Variants in PUS7 observed in about 807,000 individuals in gnomAD.
The protein encoded by PUS7 is pseudouridine synthase 7, also known as pseudouridylate synthase 7 homolog.
Under a neutral mutation model 79.8 loss-of-function variants are expected in PUS7, and 48 were observed. That is an observed-to-expected ratio of 0.60 (90% CI 0.48 to 0.76). PUS7 has a LOEUF of 0.76. PUS7 is among the 30% of genes least tolerant of loss of function. The probability of loss-of-function intolerance (pLI) is 0.00; values close to 1 mark genes in which losing one functional copy is unlikely to be tolerated. For missense variants in PUS7, 729 were observed against 797.6 expected (o/e 0.91, Z 1.04); for synonymous variants, 286 against 272.2 (o/e 1.05, Z -0.50).
intron 9 of PUS7, among the ~76,000 whole-genome samples, chr7:105,479,642 A>ATT (rs1824238566): frequency 6.6e-6 from 1 of 152,218 alleles, no homozygotes; most frequent in African/African-American, 2.4e-5. Context: ...ATTGTTTAAA[A>ATT]GTAAATGACA....
chr7:105,513,126 C>A (rs1423973707), intron 1 of PUS7, among the ~76,000 whole-genome samples: 1 of 152,188 alleles, frequency 6.6e-6, no homozygotes, highest in African/African-American at 2.4e-5. Flanking sequence ...TCTGCGGGCA[C>A]TCATCACATT....
intron 7 of PUS7, among the ~76,000 whole-genome samples, chr7:105,488,510 T>C (rs1824644805): frequency 6.6e-6 from 1 of 152,242 alleles, no homozygotes; most frequent in Admixed American, 6.5e-5. Flanking sequence ...ATTTCACTGC[T>C]AAGTTTATCT....
intron 7 of PUS7, among the ~76,000 whole-genome samples, chr7:105,485,858 C>A (rs371330586): frequency 8.6e-5 from 13 of 151,988 alleles, no homozygotes; most frequent in African/African-American, 3.1e-4. Flanking sequence ...TGCAGTGGTG[C>A]GATCTAAGCT....
chr7:105,519,305 C>T (rs147708582), intron 1 of PUS7, among the ~76,000 whole-genome samples: 15 of 151,792 alleles, frequency 9.9e-5, no homozygotes, highest in African/African-American at 2.9e-4. Flanking sequence ...GCAGTCTCGG[C>T]TCACCGCAAT....
At chr7:105,464,449 C>T (rs1051429680) in intron 13 of PUS7, among the ~76,000 whole-genome samples, 2 of 152,142 alleles carry the variant, frequency 1.3e-5, no homozygotes, top group African/African-American at 4.8e-5. Context: ...GGAAGATCTG[C>T]CCTCAAGGTG....
chr7:105,512,372 A>G (rs1825738318), intron 1 of PUS7, among the ~76,000 whole-genome samples: 1 of 152,164 alleles, frequency 6.6e-6, no homozygotes, highest in African/African-American at 2.4e-5. Flanking sequence ...CCTTACAGCA[A>G]CAAAACTACC....
At position 105,457,842 on chromosome 7, in the gene PUS7, AT is replaced by A. The variant is rs1243111253; in HGVS notation, c.1933del (p.Met645TrpfsTer11). The A allele has an allele frequency of 1.9e-6, 3 of 1,614,068 alleles. No homozygotes were observed. The highest frequency in any genetic ancestry group is 2.5e-6 in the Non-Finnish European group (3 of 1,180,026). On this transcript the variant is annotated frameshift_variant, in exon 16 of 16. Transcript: ENST00000469408. LOFTEE classifies it high-confidence loss of function. The part of the protein sequence containing the change: ...ATMAIREVLK[M>X]DTSIKNQTQL... ...CGTCTGGTTCTTGATACTGGTATCC[AT>A]TTTTAGCACTTCTCGAATGGCCATG...
chr7:105,521,466 G>A (rs1826108099), intron 1 of PUS7, among the ~76,000 whole-genome samples: 1 of 142,990 alleles, frequency 7.0e-6, no homozygotes, highest in South Asian at 2.3e-4. Context: ...GCTGGAGAAA[G>A]CACTCTGAGT....
At chr7:105,467,752 G>A (rs1420688797) in intron 12 of PUS7, among the ~76,000 whole-genome samples, 1 of 151,854 alleles carries the variant, frequency 6.6e-6, no homozygotes, top group Non-Finnish European at 1.5e-5. Flanking sequence ...ACTCAGGCCG[G>A]GCACAGTGGC....
intron 2 of PUS7, among the ~76,000 whole-genome samples, 155 bp from the exon 3 acceptor site, chr7:105,506,428 CTT>C (rs879854891): frequency 7.0e-6 from 1 of 142,774 alleles, no homozygotes; most frequent in African/African-American, 2.5e-5. Context: ...TTTTTTTTTT[CTT>C]TTTTTTTTTT....
rs1224203844 is a variant in PUS7 at position 105,496,999 on chromosome 7, C to G, written c.731-1746G>C. The stretch of plus-strand genomic sequence containing the variant: ...GTCCAAATGCACAGCATAAAGAGCA[C>G]AAAAGAGCAATGTTTAATTTATAAT... On this transcript the variant is annotated intron_variant, in intron 5 of 15. Coordinates refer to ENST00000469408, the MANE Select transcript of PUS7 (RefSeq NM_019042.5). 5.9e-6 allele frequency: 7 copies of G among 1,188,890 alleles called. No individual in the cohort carries two copies. The East Asian group carries it at 4.4e-4, about 75-fold the overall frequency. The allele number at this position is 1,188,890 out of a possible 1,614,324, so 73.6% of individuals were successfully genotyped here.
intron 1 of PUS7, among the ~76,000 whole-genome samples, chr7:105,513,371 C>G (rs965076008): frequency 1.3e-5 from 2 of 152,224 alleles, no homozygotes; most frequent in South Asian, 2.1e-4. Flanking sequence ...AGGCCTCCCC[C>G]TCTCAACAAT....
chr7:105,458,433 T>C (rs1373225411), intron 15 of PUS7, among the ~76,000 whole-genome samples: 1 of 151,398 alleles, frequency 6.6e-6, no homozygotes, highest in Non-Finnish European at 1.5e-5. Flanking sequence ...CCTAATTTTT[T>C]TTTTTGTATT....
At position 105,470,758 on chromosome 7, in the gene PUS7, C is replaced by T. The variant is rs747160295; in HGVS notation, c.1328G>A (p.Cys443Tyr). The change falls in exon 11 of 16, where the codon TGT becomes TAT. Residue 443 changes from cysteine to tyrosine, a missense_variant. Physicochemically the swap from Cys to Tyr is radical, Grantham distance 194. Transcript: ENST00000469408. Reference sequence around the variant, plus strand: ...TCCTCGAAGCAGCTGCCCTTCCACACACCTTTTGACAGGTAGTTTTCTGAG... The same window carrying T: ...TCCTCGAAGCAGCTGCCCTTCCACATACCTTTTGACAGGTAGTTTTCTGAG... ...AALRKLPVKRCVEGQLLRGLS... is the reference protein window; with the variant it reads ...AALRKLPVKRYVEGQLLRGLS... 2 of 1,612,442 alleles carry T rather than the reference C, an allele frequency of 1.2e-6. No homozygotes were observed. Among genetic ancestry groups the T allele is most frequent in the Non-Finnish European group, 1.7e-6 (2 of 1,178,640 alleles).
At chr7:105,469,908 A>T (rs898592874) in intron 11 of PUS7, among the ~76,000 whole-genome samples, 1 of 152,162 alleles carries the variant, frequency 6.6e-6, no homozygotes, top group Non-Finnish European at 1.5e-5. Context: ...GTTTTAGGAA[A>T]AGTTTACAAA....
intron 9 of PUS7, among the ~76,000 whole-genome samples, chr7:105,478,644 T>A (rs1430700008): frequency 6.6e-6 from 1 of 152,246 alleles, no homozygotes; most frequent in Non-Finnish European, 1.5e-5. Flanking sequence ...TTGCTAAGTT[T>A]TAGAATGCGT....
chr7:105,460,220 G>A lies in PUS7; in HGVS notation c.1758-961C>T, dbSNP rs528189037. ...CCCAAAGTGCTGGGATTACAGGCGTGAGCCACCGTGCCCAGCCGACAATTC... is the reference window on the plus strand; with the variant it reads ...CCCAAAGTGCTGGGATTACAGGCGTAAGCCACCGTGCCCAGCCGACAATTC... On this transcript the variant is annotated intron_variant, in intron 14 of 15. Coordinates refer to ENST00000469408, the MANE Select transcript of PUS7 (RefSeq NM_019042.5). Among the ~76,000 whole-genome samples, 9 of 152,256 alleles carry A rather than the reference G, an allele frequency of 5.9e-5. No individual in the cohort carries two copies. The South Asian group carries it at 1.0e-3, about 18-fold the overall frequency.
At chr7:105,461,875 T>C (rs1457599145) in intron 14 of PUS7, among the ~76,000 whole-genome samples, 1 of 152,062 alleles carries the variant, frequency 6.6e-6, no homozygotes, top group East Asian at 1.9e-4. Context: ...TACTTGTGCA[T>C]CTAAACATAG....
At chr7:105,517,937 C>T (rs1825957496) in intron 1 of PUS7, among the ~76,000 whole-genome samples, 1 of 152,140 alleles carries the variant, frequency 6.6e-6, no homozygotes, top group Admixed American at 6.6e-5. Context: ...ATCACAAGGT[C>T]AAAAGTTCGA....
Sources: gnomAD v4.1 joint callset for allele counts (sites outside exome capture counted in the v4.1 genomes callset) on GRCh38, gnomAD v4.1.1 for gene constraint, MANE v1.5 for transcripts, NCBI Gene and HGNC (gene_info 2026-07-23, HGNC 2026-07-21) for gene names.